AGBL1: variants seen among roughly 807,000 people sequenced by gnomAD.
The protein encoded by AGBL1 is AGBL carboxypeptidase 1, also known as cytosolic carboxypeptidase 4.
Under a neutral mutation model 118.9 loss-of-function variants are expected in AGBL1, and 130 were observed. The ratio of observed to expected loss-of-function variants is 1.09; its 90% CI spans 0.95 to 1.26. The LOEUF (loss-of-function observed/expected upper bound fraction) is 1.26, where lower values mean the gene tolerates loss of function less well. AGBL1 is among the 50% of genes most tolerant of loss of function. The probability of loss-of-function intolerance (pLI) is 0.00; values close to 1 mark genes in which losing one functional copy is unlikely to be tolerated. For missense variants in AGBL1, 1,584 were observed against 1,298.1 expected (o/e 1.22, Z -3.38); for synonymous variants, 555 against 478.9 (o/e 1.16, Z -2.08).
In AGBL1 at chr15:86,674,362, C is replaced by A; in HGVS notation, c.3084C>A (p.Cys1028Ter). 3 of 1,612,886 alleles carry A rather than the reference C, an allele frequency of 1.9e-6. No homozygotes were observed. The highest frequency in any genetic ancestry group is 2.5e-6 in the Non-Finnish European group (3 of 1,179,438). The change falls in exon 22 of 23, where the codon TGC becomes TGA. Residue 1028 changes from cysteine to a stop codon, truncating the protein, a stop_gained. Coordinates refer to ENST00000614907, the MANE Select transcript of AGBL1 (RefSeq NM_001386094.1). LOFTEE classifies it high-confidence loss of function. Reference protein sequence around the residue: ...LLILELKSASCSHQLLAQAAT... With the variant: ...LLILELKSAS ...TCCTGGAGCTCAAATCTGCCAGCTG[C>A]AGCCATCAGCTCCTGGCTCAAGCTG...
chr15:86,597,154 T>TCCATC (rs1339618506), intron 21 of AGBL1, among the ~76,000 whole-genome samples: 4 of 151,656 alleles, frequency 2.6e-5, no homozygotes, highest in Non-Finnish European at 4.4e-5. Context: ...CATCCATCCA[T>TCCATC]CCATCCATCC....
At chr15:86,491,856 G>T (rs760372097) in intron 18 of AGBL1, among the ~76,000 whole-genome samples, 6 of 151,854 alleles carry the variant, frequency 4.0e-5, no homozygotes, top group South Asian at 2.1e-4. Context: ...TTCTGGCTGT[G>T]TGTGGGGGGT....
chr15:86,289,754 A>G (rs892306961), intron 16 of AGBL1, among the ~76,000 whole-genome samples: 1 of 152,100 alleles, frequency 6.6e-6, no homozygotes, highest in Non-Finnish European at 1.5e-5. Flanking sequence ...TCTTTCACTT[A>G]TAAGGACCTT....
intron 17 of AGBL1, among the ~76,000 whole-genome samples, chr15:86,312,830 C>A (rs1555465052): frequency 6.6e-6 from 1 of 152,204 alleles, no homozygotes; most frequent in Non-Finnish European, 1.5e-5. Flanking sequence ...GATGCTTCAA[C>A]AGAGCTGTCA....
At chr15:86,517,590 T>A (rs1270752377) in intron 18 of AGBL1, among the ~76,000 whole-genome samples, 1 of 152,220 alleles carries the variant, frequency 6.6e-6, no homozygotes, top group East Asian at 1.9e-4. Flanking sequence ...ATCATGCCTC[T>A]GGTAACCCAT....
chr15:86,712,129 C>T (rs2086570298), intron 22 of AGBL1, among the ~76,000 whole-genome samples: 1 of 152,132 alleles, frequency 6.6e-6, no homozygotes, highest in South Asian at 2.1e-4. Flanking sequence ...CTAACCTAAG[C>T]TACTAATACA....
At chr15:87,002,458 T>C (rs1045347491) in intron 24 of AGBL1, among the ~76,000 whole-genome samples, 8 of 151,986 alleles carry the variant, frequency 5.3e-5, no homozygotes, top group East Asian at 3.9e-4. Context: ...CTTGGCAATG[T>C]GGGCTCTTTT....
intron 24 of AGBL1, among the ~76,000 whole-genome samples, chr15:87,016,720 C>T (rs1375542716): frequency 6.6e-6 from 1 of 152,118 alleles, no homozygotes; most frequent in Non-Finnish European, 1.5e-5. Context: ...GATGGCCCAC[C>T]TAGGAGTGGC....
At chr15:86,312,367 T>G (rs1268759989) in intron 17 of AGBL1, 1 of 152,196 alleles carries the variant, frequency 6.6e-6, no homozygotes, top group Non-Finnish European at 1.5e-5. Flanking sequence ...AGCTGGGAGC[T>G]CACTTCACTG....
At chr15:86,886,235 G>T (rs769832749) in intron 22 of AGBL1, among the ~76,000 whole-genome samples, 1 of 152,170 alleles carries the variant, frequency 6.6e-6, no homozygotes, top group Non-Finnish European at 1.5e-5. Flanking sequence ...GTTTATATTA[G>T]TATATTTGCC....
In AGBL1 at chr15:86,729,886, C is replaced by A. The variant is rs1046085268; in HGVS notation, c.3158+55450C>A. Among the ~76,000 whole-genome samples, 4 of 152,204 alleles carry A rather than the reference C, an allele frequency of 2.6e-5. No individual in the cohort carries two copies. In the East Asian group the frequency reaches 5.8e-4, roughly 22 times the overall value. ...ATGCCTCAACTAATTTACATTCCCA[C>A]CGGCAGTATATAAGCATTCTCTTTT... On this transcript the variant is annotated intron_variant, in intron 22 of 22. Transcript: ENST00000614907.
intron 22 of AGBL1, among the ~76,000 whole-genome samples, chr15:86,677,233 A>G (rs1411745776): frequency 1.3e-5 from 2 of 152,152 alleles, no homozygotes; most frequent in Non-Finnish European, 1.5e-5. Context: ...ATTTTTCAAG[A>G]GCAGAGGAAG....
At chr15:86,148,428 T>A (rs1192991303) in intron 3 of AGBL1, among the ~76,000 whole-genome samples, 8 of 152,280 alleles carry the variant, frequency 5.3e-5, no homozygotes, top group African/African-American at 1.9e-4. Flanking sequence ...GGAGGAGACC[T>A]TAAATGACCT....
At chr15:86,477,714 T>C (rs139779407) in intron 18 of AGBL1, among the ~76,000 whole-genome samples, 143,453 of 152,286 alleles carry the variant, frequency 0.94, 68,039 homozygotes, top group African/African-American at 0.99. Context: ...AAGAGGGAAT[T>C]CTCCCTAACT....
chr15:86,128,509 G>T (rs951164114), intron 1 of AGBL1, among the ~76,000 whole-genome samples: 6 of 152,168 alleles, frequency 3.9e-5, no homozygotes, highest in Non-Finnish European at 7.3e-5. Flanking sequence ...CTAACTTACC[G>T]TATGAGCAAC....
At chr15:86,675,362 GA>G (rs1480044737) in intron 22 of AGBL1, among the ~76,000 whole-genome samples, 2 of 152,144 alleles carry the variant, frequency 1.3e-5, no homozygotes, top group African/African-American at 2.4e-5. Flanking sequence ...GTTGCAGTGT[GA>G]CATACTGAAT....
intron 18 of AGBL1, among the ~76,000 whole-genome samples, chr15:86,517,317 T>C (rs530734747): frequency 6.6e-6 from 1 of 152,336 alleles, no homozygotes; most frequent in Non-Finnish European, 1.5e-5. Context: ...ACACAGTCCA[T>C]TAGGATCTTG....
intron 1 of AGBL1, among the ~76,000 whole-genome samples, chr15:86,089,652 C>G (rs35205719): frequency 1.3e-5 from 2 of 152,038 alleles, no homozygotes; most frequent in Admixed American, 6.5e-5. Context: ...ACCAATTCCC[C>G]GAAAACAATG....
intron 17 of AGBL1, among the ~76,000 whole-genome samples, chr15:86,300,669 T>C (rs969473720): frequency 6.6e-6 from 1 of 152,190 alleles, no homozygotes. Context: ...TGAGATAATC[T>C]CACTCCCCTG....
Sources: allele counts gnomAD v4.1 joint callset (sites outside exome capture counted in the v4.1 genomes callset), GRCh38; gene constraint gnomAD v4.1.1; transcripts MANE v1.5; gene names NCBI Gene and HGNC (gene_info 2026-07-23, HGNC 2026-07-21).